Variants in FURIN observed in about 807,000 individuals in gnomAD.
FURIN encodes furin, paired basic amino acid cleaving enzyme.
A neutral mutation model predicts 89.2 loss-of-function variants in FURIN; 18 were observed. That is an observed-to-expected ratio of 0.20 (90% CI 0.14 to 0.30). The LOEUF is 0.30. Among genes scored for constraint, FURIN ranks in the 10% least tolerant of loss-of-function variants. The pLI, the probability that FURIN is intolerant of heterozygous loss-of-function variation, is 1.00. For synonymous variants in FURIN, 508 were observed against 466.4 expected (o/e 1.09, Z -1.15); for missense variants, 879 against 1,100.5 (o/e 0.80, Z 2.85).
In FURIN at chr15:90,876,780, C is replaced by T. The variant is rs536336680; in HGVS notation, c.373-116C>T. The T allele has an allele frequency of 1.5e-4, 183 of 1,195,802 alleles. No homozygotes were observed. In the African/African-American group the frequency reaches 2.5e-3, roughly 17 times the overall value. 74.1% of individuals were successfully genotyped at this position (1,195,802 alleles called of 1,614,324 possible). ...GTCCAGACAGCCAGTGGCGGCCTTT[C>T]AGGAGCAGGGATGGTACAGGAGGAG... is the stretch of plus-strand genomic sequence containing the variant. On this transcript the variant is annotated intron_variant, in intron 4 of 15. Coordinates refer to ENST00000268171, the MANE Select transcript of FURIN (RefSeq NM_002569.4). This position sits in a 1 kb window ranked among gnomAD's most constrained non-coding sequence, Gnocchi z 5.0.
At chr15:90,879,611 C>T in intron 10 of FURIN, 60 bp from the exon 11 acceptor site, 1 of 1,566,212 alleles carries the variant, frequency 6.4e-7, no homozygotes. Flanking sequence ...GCCCTTAGGG[C>T]AGCTGGAGAG....
In FURIN at chr15:90,877,577, T is replaced by C. The variant is rs773256149; in HGVS notation, c.629T>C (p.Val210Ala). The change falls in exon 7 of 16, where the codon GTC (valine) becomes GCC (alanine). Residue 210 changes from valine (V) to alanine (A), a missense_variant. Val to Ala is a moderately conservative substitution (Grantham distance 64). This residue lies in a region of FURIN where 139 missense variants were observed against 215.0 expected (regional missense o/e 0.65). Coordinates refer to ENST00000268171, the MANE Select transcript of FURIN (RefSeq NM_002569.4). ...GTGGCTGCGGTGGCCAACAACGGTG[T>C]CTGTGGTGTAGGTGTGGCCTACAAC... Reference protein sequence around the residue: ...GEVAAVANNGVCGVGVAYNAR... With the variant: ...GEVAAVANNGACGVGVAYNAR... 1.1e-5 allele frequency: 17 copies of C among 1,578,762 alleles called. No individual in the cohort carries two copies. Among genetic ancestry groups the C allele is most frequent in the Non-Finnish European group, 1.4e-5 (16 of 1,162,468 alleles).
rs967019648 is a variant in FURIN, at chr15:90,883,348, G to C, written c.*1470G>C. 1 of 153,000 alleles carries C rather than the reference G, an allele frequency of 6.5e-6. No homozygotes were observed. Among genetic ancestry groups the C allele is most frequent in the African/African-American group, 2.4e-5 (1 of 41,480 alleles). The allele number at this position is 153,000 out of a possible 1,614,324, so 9.5% of individuals were successfully genotyped here. A position where few individuals can be genotyped will look rare whatever the true frequency, so the allele number is the denominator to read the frequency against. On this transcript the variant is annotated 3_prime_UTR_variant, in exon 16 of 16. Coordinates refer to ENST00000268171, the MANE Select transcript of FURIN (RefSeq NM_002569.4). ...GTAAGATGCTGGGTTGGTGCACAGT[G>C]ATTTTTTTCTTGTAATTTAAACAGG... is the stretch of plus-strand genomic sequence containing the variant.
In FURIN at chr15:90,880,739, A is replaced by G; in HGVS notation, c.1605A>G (p.Thr535=). 1 of 1,614,014 alleles carries G rather than the reference A, an allele frequency of 6.2e-7. No individual in the cohort carries two copies. The highest frequency in any genetic ancestry group is 8.5e-7 in the Non-Finnish European group (1 of 1,179,954). ...ADGFNDWAFM[T]THSWDEDPSG... ...GGTTTAATGACTGGGCCTTCATGAC[A>G]ACTCATTCCTGGGATGAGGATCCCT... Residue 535 remains threonine (T), a synonymous_variant, in exon 14 of 16, where the codon ACA becomes ACG. Transcript: ENST00000268171.
At chr15:90,874,018 C>A (rs564065797) in intron 1 of FURIN, among the ~76,000 whole-genome samples, 1 of 152,308 alleles carries the variant, frequency 6.6e-6, no homozygotes, top group East Asian at 1.9e-4. Context: ...GGGTGCCTTC[C>A]TTTTGGTATC....
In FURIN at chr15:90,875,644, C is replaced by A; in HGVS notation, c.-97C>A. On this transcript the variant is annotated 5_prime_UTR_variant, in exon 2 of 16. Coordinates refer to ENST00000268171, the MANE Select transcript of FURIN (RefSeq NM_002569.4). The stretch of plus-strand genomic sequence containing the variant: ...CGGCCCCATGCCCCCACCAGTCAGC[C>A]CCGGGCCACAGGCAGTGAGCAGGCA... The A allele has an allele frequency of 1.7e-6, 2 of 1,144,508 alleles. No individual in the cohort carries two copies. The highest frequency in any genetic ancestry group is 2.4e-6 in the Non-Finnish European group (2 of 825,982). The allele number at this position is 1,144,508 out of a possible 1,614,324, so 70.9% of individuals were successfully genotyped here. A position where few individuals can be genotyped will look rare whatever the true frequency, so the allele number is the denominator to read the frequency against.
Position 90,876,828 on chromosome 15 carries a change from C to G in FURIN, c.373-68C>G. The G allele has an allele frequency of 6.4e-7, 1 of 1,558,990 alleles. No individual in the cohort carries two copies. Among genetic ancestry groups the G allele is most frequent in the Non-Finnish European group, 8.8e-7 (1 of 1,135,304 alleles). On this transcript the variant is annotated intron_variant, in intron 4 of 15. Transcript: ENST00000268171. The surrounding 1 kb of genome is among the most constrained non-coding windows in gnomAD (Gnocchi z 5.0). The stretch of plus-strand genomic sequence containing the variant: ...GAGGTTTTACGGGGGCAAAGGGATT[C>G]TTCAAGATGCTCCTAGCCTCACAAA...
chr15:90,876,145 G>C lies in FURIN; in HGVS notation c.178-110G>C. On this transcript the variant is annotated intron_variant, in intron 2 of 15. Coordinates refer to ENST00000268171, the MANE Select transcript of FURIN (RefSeq NM_002569.4). The surrounding 1 kb of genome is among the most constrained non-coding windows in gnomAD (Gnocchi z 5.0). ...GTCCCGGACAGGGAGCAGATGCCCC[G>C]CACCCCCGACCGTGGCGAGCCTCCC... The C allele has an allele frequency of 2.4e-6, 2 of 840,548 alleles. No homozygotes were observed. The highest frequency in any genetic ancestry group is 4.0e-6 in the Non-Finnish European group (2 of 500,906). 52.1% of individuals were successfully genotyped at this position (840,548 alleles called of 1,614,324 possible). A position where few individuals can be genotyped will look rare whatever the true frequency, so the allele number is the denominator to read the frequency against.
chr15:90,881,601 G>A lies in FURIN; in HGVS notation c.2108G>A (p.Arg703Gln), dbSNP rs1367034501. 1.9e-6 allele frequency: 3 copies of A among 1,605,590 alleles called. No homozygotes were observed. Among genetic ancestry groups the A allele is most frequent in the South Asian group, 1.1e-5 (1 of 90,396 alleles). The change falls in exon 16 of 16, where the codon CGG becomes CAG. Residue 703 changes from arginine (R) to glutamine (Q), a missense_variant. By Grantham distance (43) the Arg-to-Gln change is conservative. Around this residue, in one of 5 missense-constraint regions of FURIN, gnomAD observed 457 missense variants for 490.7 expected, o/e 0.93. Transcript: ENST00000268171. The surrounding 1 kb of genome is among the most constrained non-coding windows in gnomAD (Gnocchi z 4.3). ...CCCCCGGAGGTGGAGGCGGGGCAAC[G>A]GCTGCGGGCAGGGCTGCTGCCCTCA... ...RLPPEVEAGQ[R>Q]LRAGLLPSHL...
chr15:90,881,006 C>T lies in FURIN; in HGVS notation c.1758C>T (p.Gly586=), dbSNP rs749114630. 1 of 1,613,920 alleles carries T rather than the reference C, an allele frequency of 6.2e-7. No homozygotes were observed. The highest frequency in any genetic ancestry group is 1.1e-5 in the South Asian group (1 of 91,086). The change falls in exon 15 of 16, where the codon GGC becomes GGT. Residue 586 remains glycine, a synonymous_variant. Coordinates refer to ENST00000268171, the MANE Select transcript of FURIN (RefSeq NM_002569.4). This position sits in a 1 kb window ranked among gnomAD's most constrained non-coding sequence, Gnocchi z 4.3. ...EGLPVPPESS[G]CKTLTSSQAC... The stretch of plus-strand genomic sequence containing the variant: ...TGCCCGTACCTCCAGAAAGCAGTGG[C>T]TGCAAGACCCTCACGTCCAGTCAGG...
In FURIN at chr15:90,876,168, C is replaced by T; in HGVS notation, c.178-87C>T. On this transcript the variant is annotated intron_variant, in intron 2 of 15. Coordinates refer to ENST00000268171, the MANE Select transcript of FURIN (RefSeq NM_002569.4). The surrounding 1 kb of genome is among the most constrained non-coding windows in gnomAD (Gnocchi z 5.0). The stretch of plus-strand genomic sequence containing the variant: ...CCGCACCCCCGACCGTGGCGAGCCT[C>T]CCATGAAGCCGTTGTCCACCCCCGT... The T allele has an allele frequency of 1.0e-6, 1 of 962,438 alleles. No individual in the cohort carries two copies. Among genetic ancestry groups the T allele is most frequent in the South Asian group, 1.3e-5 (1 of 74,910 alleles). The allele number at this position is 962,438 out of a possible 1,614,324, so 59.6% of individuals were successfully genotyped here. A position where few individuals can be genotyped will look rare whatever the true frequency, so the allele number is the denominator to read the frequency against.
In FURIN at chr15:90,879,940, G is replaced by A. The variant is rs768617338; in HGVS notation, c.1332G>A (p.Val444=). ...MVALAQNWTT[V]APQRKCIIDI... ...CCCTGGCCCAGAATTGGACCACAGT[G>A]GCCCCCCAGCGGAAGTGCATCATCG... Residue 444 remains valine, a synonymous_variant, in exon 12 of 16, where the codon GTG becomes GTA. Transcript: ENST00000268171. 6.8e-6 allele frequency: 11 copies of A among 1,613,284 alleles called. No homozygotes were observed. In the East Asian group the frequency reaches 2.0e-4, roughly 29 times the overall value.
In FURIN at chr15:90,882,143, C is replaced by T. The variant is rs1239384577; in HGVS notation, c.*265C>T. 3 of 451,490 alleles carry T rather than the reference C, an allele frequency of 6.6e-6. No individual in the cohort carries two copies. The highest frequency in any genetic ancestry group is 6.2e-5 in the African/African-American group (3 of 48,312). The allele number at this position is 451,490 out of a possible 1,614,324, so 28.0% of individuals were successfully genotyped here. A position where few individuals can be genotyped will look rare whatever the true frequency, so the allele number is the denominator to read the frequency against. ...AACCTTTAGGGCAGCTTGCCCCGGC[C>T]CCGGCCCCAGCCAGAGTTCCTGCGG... On this transcript the variant is annotated 3_prime_UTR_variant, in exon 16 of 16. Coordinates refer to ENST00000268171, the MANE Select transcript of FURIN (RefSeq NM_002569.4).
intron 8 of FURIN, 40 bp downstream of exon 8, chr15:90,878,344 G>A (rs777599930): frequency 2.0e-6 from 3 of 1,501,716 alleles, no homozygotes; most frequent in South Asian, 2.6e-5. Flanking sequence ...GGCAGGTTGG[G>A]TGCTGTCTTC....
Position 90,881,563 on chromosome 15 carries a change from G to A in FURIN, c.2070G>A (p.Gln690=). The A allele has an allele frequency of 1.2e-6, 2 of 1,612,050 alleles. No homozygotes were observed. The highest frequency in any genetic ancestry group is 1.7e-6 in the Non-Finnish European group (2 of 1,179,168). Residue 690 remains glutamine (Q), a synonymous_variant, in exon 16 of 16, where the codon CAG becomes CAA. Coordinates refer to ENST00000268171, the MANE Select transcript of FURIN (RefSeq NM_002569.4). This position sits in a 1 kb window ranked among gnomAD's most constrained non-coding sequence, Gnocchi z 4.3. ...QSSRESPPQQ[Q]PPRLPPEVEA... ...GCCGAGAGTCCCCGCCACAGCAGCA[G>A]CCACCTCGGCTGCCCCCGGAGGTGG...
At chr15:90,873,817 G>T (rs1465967860) in intron 1 of FURIN, among the ~76,000 whole-genome samples, 1 of 152,188 alleles carries the variant, frequency 6.6e-6, no homozygotes, top group Non-Finnish European at 1.5e-5. Flanking sequence ...GATGTCTCCT[G>T]CCATCAGCTG....
rs1189295577 is a variant in FURIN, at chr15:90,882,721, G to A, written c.*843G>A. On this transcript the variant is annotated 3_prime_UTR_variant, in exon 16 of 16. Coordinates refer to ENST00000268171, the MANE Select transcript of FURIN (RefSeq NM_002569.4). Reference sequence around the variant, plus strand: ...CTCCCACCCGATGCTGCTTTCCCCTGTGGGGATCTCAGGGGCTGTTTGAGG... The same window carrying A: ...CTCCCACCCGATGCTGCTTTCCCCTATGGGGATCTCAGGGGCTGTTTGAGG... The A allele has an allele frequency of 1.3e-5, 2 of 152,716 alleles. No individual in the cohort carries two copies. Among genetic ancestry groups the A allele is most frequent in the African/African-American group, 4.8e-5 (2 of 41,462 alleles). 9.5% of individuals were successfully genotyped at this position (152,716 alleles called of 1,614,324 possible). A position where few individuals can be genotyped will look rare whatever the true frequency, so the allele number is the denominator to read the frequency against.
At position 90,880,730 on chromosome 15, in the gene FURIN, C is replaced by T. The variant is rs114974329; in HGVS notation, c.1596C>T (p.Ala532=). The T allele has an allele frequency of 6.4e-5, 103 of 1,614,068 alleles. 1 individual carries two copies. The African/African-American group carries it at 1.2e-3, about 19-fold the overall frequency. The stretch of plus-strand genomic sequence containing the variant: ...CCGCAGATGGGTTTAATGACTGGGC[C>T]TTCATGACAACTCATTCCTGGGATG... ...DYSADGFNDW[A]FMTTHSWDED... is the part of the protein sequence containing the mutation. The change falls in exon 14 of 16, where the codon GCC becomes GCT. Residue 532 remains alanine (A), a synonymous_variant. Coordinates refer to ENST00000268171, the MANE Select transcript of FURIN (RefSeq NM_002569.4).
rs1380561476 is a variant in FURIN at position 90,877,574 on chromosome 15, G to A, written c.626G>A (p.Gly209Asp). 4 of 1,578,520 alleles carry A rather than the reference G, an allele frequency of 2.5e-6. No individual in the cohort carries two copies. The South Asian group carries it at 4.7e-5, about 18-fold the overall frequency. The change falls in exon 7 of 16, where the codon GGT becomes GAT. Residue 209 changes from glycine (G) to aspartate (D), a missense_variant. Physicochemically the swap from Gly to Asp is moderately conservative, Grantham distance 94 (BLOSUM62 -1). Transcript: ENST00000268171. ...AGEVAAVANN[G>D]VCGVGVAYNA... ...GAAGTGGCTGCGGTGGCCAACAACG[G>A]TGTCTGTGGTGTAGGTGTGGCCTAC...
Sources: allele counts gnomAD v4.1 joint callset (sites outside exome capture counted in the v4.1 genomes callset), GRCh38; gene constraint gnomAD v4.1.1; regional missense constraint gnomAD v4.1.1; non-coding constraint Gnocchi (gnomAD v3.1); transcripts MANE v1.5; gene names NCBI Gene and HGNC (gene_info 2026-07-23, HGNC 2026-07-21).